The following PSME4 variants were observed in gnomAD, a reference collection of about 807,000 sequenced individuals.
The protein encoded by PSME4 is proteasome activator complex subunit 4.
In PSME4, 89 loss-of-function variants were observed where a neutral mutation model predicts 253.9. That is an observed-to-expected ratio of 0.35 (90% CI 0.30 to 0.42). The LOEUF (loss-of-function observed/expected upper bound fraction) is 0.42, where lower values mean the gene tolerates loss of function less well. PSME4 is among the 10% of genes least tolerant of loss of function. The pLI, the probability that PSME4 is intolerant of heterozygous loss-of-function variation, is 1.00. For missense variants in PSME4, 2,014 were observed against 2,195.2 expected, an observed-to-expected ratio of 0.92 and a Z score of 1.65; for synonymous variants, 851 against 759.2, an observed-to-expected ratio of 1.12 and a Z score of -1.99.
rs1353237376 is a variant in PSME4, at chr2:53,865,107, A to G, written c.*471T>C. On this transcript the variant is annotated 3_prime_UTR_variant, in exon 47 of 47. Transcript: ENST00000404125. ...CCCTCTTCATGGCTCTCCAGACCCAAGGTTCTCAAGGCTTCAGATTTATGG... is the reference window on the plus strand; with the variant it reads ...CCCTCTTCATGGCTCTCCAGACCCAGGGTTCTCAAGGCTTCAGATTTATGG... 6.6e-6 allele frequency: 1 copy of G among 152,594 alleles called. No individual in the cohort carries two copies. The highest frequency in any genetic ancestry group is 1.5e-5 in the Non-Finnish European group (1 of 68,038). 9.5% of individuals were successfully genotyped at this position (152,594 alleles called of 1,614,324 possible). A position where few individuals can be genotyped will look rare whatever the true frequency, so the allele number is the denominator to read the frequency against.
chr2:53,937,557 G>C lies in PSME4; in HGVS notation c.546-17C>G. On this transcript the variant is annotated splice_polypyrimidine_tract_variant and intron_variant, in intron 4 of 46. Coordinates refer to ENST00000404125, the MANE Select transcript of PSME4 (RefSeq NM_014614.3). The stretch of plus-strand genomic sequence containing the variant: ...GGAAAATATCTAATAAAAAAAGAAG[G>C]TTTTCATGTATCTGATTATTGGCTA... The C allele has an allele frequency of 6.2e-7, 1 of 1,604,562 alleles. No individual in the cohort carries two copies. The highest frequency in any genetic ancestry group is 8.5e-7 in the Non-Finnish European group (1 of 1,176,558).
intron 1 of PSME4, among the ~76,000 whole-genome samples, chr2:53,951,138 A>C (rs1458622001): frequency 6.6e-6 from 1 of 152,054 alleles, no homozygotes; most frequent in Non-Finnish European, 1.5e-5. Flanking sequence ...GCTGGAGTGC[A>C]GTGGCCTGAT....
chr2:53,940,952 C>CATATTTTTATATATAT (rs61078234), intron 3 of PSME4, among the ~76,000 whole-genome samples: 2 of 24,022 alleles, frequency 8.3e-5, no homozygotes, highest in African/African-American at 3.2e-4. Flanking sequence ...TATATATATA[C>CATATTTTTATATATAT]ATATATATAT....
Position 53,901,334 on chromosome 2 carries a change from G to T in PSME4, c.3285+16C>A, listed in dbSNP as rs746036882. ...GATTTACACTAAAACTTGAATGAAA[G>T]AATGATATTGCTTACTGTGAAGTCC... On this transcript the variant is annotated intron_variant, in intron 28 of 46. Coordinates refer to ENST00000404125, the MANE Select transcript of PSME4 (RefSeq NM_014614.3). 1 of 1,586,184 alleles carries T rather than the reference G, an allele frequency of 6.3e-7. No homozygotes were observed. The highest frequency in any genetic ancestry group is 8.7e-7 in the Non-Finnish European group (1 of 1,155,164).
At chr2:53,868,966 G>A (rs929272947) in intron 44 of PSME4, among the ~76,000 whole-genome samples, 3 of 152,008 alleles carry the variant, frequency 2.0e-5, no homozygotes, top group African/African-American at 7.3e-5. Flanking sequence ...GACTAATGAA[G>A]GACCGAATAA....
chr2:53,958,060 C>T (rs982331147), intron 1 of PSME4, among the ~76,000 whole-genome samples: 5 of 152,054 alleles, frequency 3.3e-5, no homozygotes, highest in African/African-American at 9.6e-5. Context: ...GTGGCACACG[C>T]CTGTAGTCCC....
chr2:53,934,778 C>A (rs751995330), intron 7 of PSME4, 51 bp from the exon 8 acceptor site: 16 of 1,424,856 alleles, frequency 1.1e-5, no homozygotes, highest in South Asian at 3.7e-5. Flanking sequence ...CAAAATAATT[C>A]TTTAGCTTAG....
chr2:53,898,046 T>A, intron 30 of PSME4, 47 bp from the exon 31 acceptor site: 1 of 1,560,776 alleles, frequency 6.4e-7, no homozygotes, highest in Non-Finnish European at 8.7e-7. Flanking sequence ...TAAAACCACT[T>A]GGAAAAAAAA....
At chr2:53,866,016 GA>G (rs569183915) in intron 46 of PSME4, 68 bp downstream of exon 46, 35 of 1,412,508 alleles carry the variant, frequency 2.5e-5, no homozygotes, top group Non-Finnish European at 3.1e-5. Flanking sequence ...TCAGCAAAAA[GA>G]AAAAAAACAA....
chr2:53,934,701 C>G lies in PSME4; in HGVS notation c.861G>C (p.Leu287Phe). ...PKIFTRILRS[L>F]NLPVGSSQVL... ...CTTGACTGCTTCCCACTGGGAGGTT[C>G]AAGCTTCTCAGAATTCTTGTAAATA... The change falls in exon 8 of 47, where the codon TTG becomes TTC. Residue 287 changes from leucine to phenylalanine, a missense_variant. Around this residue, in one of 4 missense-constraint regions of PSME4, gnomAD observed 615 missense variants for 594.4 expected, o/e 1.03. Transcript: ENST00000404125. The G allele has an allele frequency of 1.9e-6, 3 of 1,596,496 alleles. No homozygotes were observed. The highest frequency in any genetic ancestry group is 2.6e-6 in the Non-Finnish European group (3 of 1,165,124).
rs188596191 is a variant in PSME4, at chr2:53,932,576, A to T, written c.1050+92T>A. 4.7e-5 allele frequency: 50 copies of T among 1,070,154 alleles called. No homozygotes were observed. In the East Asian group the frequency reaches 1.1e-3, roughly 24 times the overall value. The allele number at this position is 1,070,154 out of a possible 1,614,324, so 66.3% of individuals were successfully genotyped here. On this transcript the variant is annotated intron_variant, in intron 9 of 46. Transcript: ENST00000404125. ...TATAGCTAAAGCTATGAAGGACAGA[A>T]AATGTATTACAGGTCACACAATAGG... is the stretch of plus-strand genomic sequence containing the variant.
At chr2:53,929,174 A>C (rs1003831387) in intron 10 of PSME4, among the ~76,000 whole-genome samples, 2 of 150,730 alleles carry the variant, frequency 1.3e-5, no homozygotes, top group African/African-American at 4.9e-5. Flanking sequence ...TCAAAAAAAA[A>C]CCAAAAGAAC....
intron 43 of PSME4, among the ~76,000 whole-genome samples, chr2:53,872,855 T>A (rs983870650): frequency 6.6e-6 from 1 of 150,972 alleles, no homozygotes. Context: ...AGGTCATTGT[T>A]TCCACTCCTT....
At chr2:53,888,896 T>A in intron 37 of PSME4, 84 bp from the exon 38 acceptor site, 1 of 1,150,782 alleles carries the variant, frequency 8.7e-7, no homozygotes, top group Non-Finnish European at 1.3e-6. Context: ...AATTTAATTT[T>A]ATTTTTGAGG....
In PSME4 at chr2:53,873,238, C is replaced by CAAAA. The variant is rs60203960; in HGVS notation, c.5100+1097_5100+1100dup. 2.4e-5 allele frequency among the ~76,000 whole-genome samples: 3 copies of CAAAA among 123,176 alleles called. No homozygotes were observed. The East Asian group carries it at 7.1e-4, about 29-fold the overall frequency. 80.8% of individuals were successfully genotyped at this position (123,176 alleles called of 152,430 possible). ...CCTGGGTAACAGCGAGACTCCGTCTCAAAAAAAAAGAAAAAAAAAAACAGT... is the reference window on the plus strand; with the variant it reads ...CCTGGGTAACAGCGAGACTCCGTCTCAAAAAAAAAAAAAGAAAAAAAAAAACAGT... On this transcript the variant is annotated intron_variant, in intron 43 of 46. Coordinates refer to ENST00000404125, the MANE Select transcript of PSME4 (RefSeq NM_014614.3).
rs756877575 is a variant in PSME4 at position 53,898,333 on chromosome 2, G to A, written c.3444C>T (p.Asp1148=). The A allele has an allele frequency of 6.2e-7, 1 of 1,604,844 alleles. No homozygotes were observed. The highest frequency in any genetic ancestry group is 1.1e-5 in the South Asian group (1 of 88,084). Residue 1148 remains aspartate, a synonymous_variant, in exon 30 of 47, where the codon GAC becomes GAT. Coordinates refer to ENST00000404125, the MANE Select transcript of PSME4 (RefSeq NM_014614.3). ...DALRNYENLV[D]TLLDGVEQRN... is the part of the protein sequence containing the mutation. The stretch of plus-strand genomic sequence containing the variant: ...TTTGCTCCACACCATCTAGCAAGGT[G>A]TCTACCAAATTTTCATAGTTCCTTT...
At chr2:53,948,996 A>T (rs918804331) in intron 2 of PSME4, 147 bp downstream of exon 2, 10 of 1,134,192 alleles carry the variant, frequency 8.8e-6, no homozygotes, top group African/African-American at 1.6e-5. Flanking sequence ...GACACATTTG[A>T]TGAAAATTAA....
chr2:53,891,014 A>G (rs805405), intron 36 of PSME4, among the ~76,000 whole-genome samples: 83,989 of 151,990 alleles, frequency 0.55, 23,900 homozygotes, highest in East Asian at 0.71. Context: ...GCAACGGAGC[A>G]AGACTCCGTC....
chr2:53,967,952 G>C (rs182164708), intron 1 of PSME4, among the ~76,000 whole-genome samples: 3 of 152,140 alleles, frequency 2.0e-5, no homozygotes, highest in Non-Finnish European at 4.4e-5. Context: ...TAAAACTGCA[G>C]AATACCAGAG....
Sources: gnomAD v4.1 joint callset for allele counts (sites outside exome capture counted in the v4.1 genomes callset) on GRCh38, gnomAD v4.1.1 for gene constraint, gnomAD v4.1.1 regional missense constraint, MANE v1.5 for transcripts, NCBI Gene and HGNC (gene_info 2026-07-23, HGNC 2026-07-21) for gene names.